NUP188: variants seen among roughly 807,000 people sequenced by gnomAD.
NUP188 encodes the protein nucleoporin 188.
Under a neutral mutation model 223.0 loss-of-function variants are expected in NUP188, and 97 were observed. That is an observed-to-expected ratio of 0.43 (90% confidence interval 0.37 to 0.51). The LOEUF is 0.51. Among genes scored for constraint, NUP188 ranks in the 20% least tolerant of loss-of-function variants. The pLI is 0.00. For missense variants in NUP188, 1,947 were observed against 2,175.6 expected, an observed-to-expected ratio of 0.89 and a Z score of 2.09; for synonymous variants, 869 against 828.0, an observed-to-expected ratio of 1.05 and a Z score of -0.85.
intron 36 of NUP188, 122 bp from the exon 37 acceptor site, chr9:129,002,694 TG>T: frequency 9.7e-7 from 1 of 1,030,848 alleles, no homozygotes; most frequent in Non-Finnish European, 1.4e-6. Flanking sequence ...GGCCAGACAG[TG>T]GCTGTGTCTA....
Position 128,999,747 on chromosome 9 carries a change from A to C in NUP188, c.3785A>C (p.Lys1262Thr), listed in dbSNP as rs762925015. Residue 1262 changes from lysine (K) to threonine (T), a missense_variant, in exon 34 of 44, where the codon AAG becomes ACG. Transcript: ENST00000372577. Reference protein sequence around the residue: ...SLALGSATEDKDSMETDDCSR... With the variant: ...SLALGSATEDTDSMETDDCSR... Reference sequence around the variant, plus strand: ...GCATTAGGCAGTGCCACAGAGGACAAGGACAGCATGGAGACTGACGACTGT... The same window carrying C: ...GCATTAGGCAGTGCCACAGAGGACACGGACAGCATGGAGACTGACGACTGT... 6.2e-7 allele frequency: 1 copy of C among 1,614,122 alleles called. No homozygotes were observed. The highest frequency in any genetic ancestry group is 8.5e-7 in the Non-Finnish European group (1 of 1,180,056).
chr9:128,993,681 G>T lies in NUP188; in HGVS notation c.3004G>T (p.Val1002Phe), dbSNP rs1842468933. ...GGATCGGAGGGACAGTGCCATGCTG[G>T]TCCTCCGAACCAAGTAAGTCTGCCT... ...WQDRRDSAML[V>F]LRTKPKFWEN... The change falls in exon 27 of 44, where the codon GTC becomes TTC. Residue 1002 changes from valine to phenylalanine, a missense_variant. Coordinates refer to ENST00000372577, the MANE Select transcript of NUP188 (RefSeq NM_015354.3). 2 of 1,613,990 alleles carry T rather than the reference G, an allele frequency of 1.2e-6. No individual in the cohort carries two copies. Among genetic ancestry groups the T allele is most frequent in the Admixed American group, 1.7e-5 (1 of 59,988 alleles).
chr9:129,003,425 C>T lies in NUP188; in HGVS notation c.4405C>T (p.His1469Tyr), dbSNP rs755839057. ...TAACTTCATGAAGGAGTGGCACTTC[C>T]ACCTGCCTCAGCTCATGCGTGATAT... ...LSNFMKEWHF[H>Y]LPQLMRDIQV... Residue 1469 changes from histidine to tyrosine, a missense_variant, in exon 38 of 44, where the codon CAC becomes TAC. Coordinates refer to ENST00000372577, the MANE Select transcript of NUP188 (RefSeq NM_015354.3). 91 of 1,612,292 alleles carry T rather than the reference C, an allele frequency of 5.6e-5. 2 individuals carry two copies. In the South Asian group the frequency reaches 9.8e-4, roughly 17 times the overall value.
At position 129,006,709 on chromosome 9, in the gene NUP188, C is replaced by T; in HGVS notation, c.*31C>T. The T allele has an allele frequency of 1.9e-6, 3 of 1,596,410 alleles. No homozygotes were observed. The South Asian group carries it at 3.4e-5, about 18-fold the overall frequency. On this transcript the variant is annotated 3_prime_UTR_variant, in exon 44 of 44. Coordinates refer to ENST00000372577, the MANE Select transcript of NUP188 (RefSeq NM_015354.3). ...TGCTGTTCTGCCCACCTACCCCTCT[C>T]CACCAGCCTACACTGCACCCTGGCT...
intron 38 of NUP188, 29 bp from the exon 39 acceptor site, chr9:129,005,118 T>C: frequency 6.3e-7 from 1 of 1,577,058 alleles, no homozygotes; most frequent in Non-Finnish European, 8.7e-7. Flanking sequence ...GACAAGAGAA[T>C]CCGCTCATCT....
At chr9:128,982,847 C>G (rs1842275396) in intron 16 of NUP188, 55 bp from the exon 17 acceptor site, 2 of 1,608,464 alleles carry the variant, frequency 1.2e-6, no homozygotes, top group Non-Finnish European at 8.5e-7. Flanking sequence ...AGAGACTGTT[C>G]AGTGATCTTA....
intron 19 of NUP188, among the ~76,000 whole-genome samples, chr9:128,984,615 G>A (rs889941801): frequency 5.3e-5 from 8 of 152,238 alleles, no homozygotes; most frequent in Admixed American, 5.2e-4. Flanking sequence ...CCAGTACACA[G>A]GCTCCATCTT....
chr9:128,972,929 G>T (rs1470633587), intron 11 of NUP188, among the ~76,000 whole-genome samples: 2 of 152,024 alleles, frequency 1.3e-5, no homozygotes, highest in Non-Finnish European at 2.9e-5. Context: ...GATGATTTTG[G>T]CAATAATTCC....
chr9:128,969,660 G>A, intron 10 of NUP188, 146 bp downstream of exon 10: 1 of 530,028 alleles, frequency 1.9e-6, no homozygotes. Context: ...GTTTTGTTTT[G>A]TTTTGGTTTT....
intron 12 of NUP188, among the ~76,000 whole-genome samples, chr9:128,974,389 G>GT (rs778841218): frequency 0.091 from 10,327 of 113,324 alleles, 1,055 homozygotes; most frequent in African/African-American, 0.23. Context: ...GCAGGTTGTT[G>GT]TTTTTTTTTT....
At position 129,006,500 on chromosome 9, in the gene NUP188, A is replaced by T; in HGVS notation, c.5074-2A>T. On this transcript the variant is annotated splice_acceptor_variant, in intron 43 of 43. Transcript: ENST00000372577. LOFTEE classifies it high-confidence loss of function. ...CTCACCAAGCCACTTTTTTTCTTGT[A>T]GAGCACGCTGCTGTCCAGCCTCTCG... 6.2e-7 allele frequency: 1 copy of T among 1,611,836 alleles called. No homozygotes were observed. Among genetic ancestry groups the T allele is most frequent in the Non-Finnish European group, 8.5e-7 (1 of 1,179,352 alleles).
At chr9:128,965,521 T>C (rs1172471260) in intron 8 of NUP188, among the ~76,000 whole-genome samples, 2 of 152,172 alleles carry the variant, frequency 1.3e-5, no homozygotes, top group African/African-American at 4.8e-5. Flanking sequence ...GGCGCATTCT[T>C]GGCTCACTGC....
intron 6 of NUP188, among the ~76,000 whole-genome samples, chr9:128,958,333 T>C (rs1384564394): frequency 6.6e-6 from 1 of 152,240 alleles, no homozygotes; most frequent in Non-Finnish European, 1.5e-5. Context: ...TGTATTTCTT[T>C]ATTTCTTTAT....
At chr9:128,990,359 G>T (rs1191411290) in intron 25 of NUP188, 133 bp downstream of exon 25, 1 of 737,724 alleles carries the variant, frequency 1.4e-6, no homozygotes, top group Non-Finnish European at 2.4e-6. Flanking sequence ...GGAGGCCAAG[G>T]TGGGAGGATC....
intron 3 of NUP188, among the ~76,000 whole-genome samples, chr9:128,953,793 G>T (rs1251640179): frequency 6.6e-6 from 1 of 151,948 alleles, no homozygotes; most frequent in Non-Finnish European, 1.5e-5. Context: ...CTAAGTGATA[G>T]AACCAGGATT....
At chr9:128,980,510 ATT>A in intron 13 of NUP188, 94 bp from the exon 14 acceptor site, 2 of 1,293,954 alleles carry the variant, frequency 1.5e-6, no homozygotes, top group Admixed American at 2.0e-5. Flanking sequence ...AAAAGGAAGG[ATT>A]AATTCTAAAT....
chr9:128,978,579 A>T (rs996152805), intron 12 of NUP188, among the ~76,000 whole-genome samples: 10 of 149,062 alleles, frequency 6.7e-5, no homozygotes, highest in Non-Finnish European at 1.2e-4. Context: ...AAAAAAAAAA[A>T]GGTAAAAAGG....
intron 12 of NUP188, among the ~76,000 whole-genome samples, chr9:128,975,897 C>T (rs765840115): frequency 1.3e-5 from 2 of 152,124 alleles, no homozygotes; most frequent in Non-Finnish European, 2.9e-5. Flanking sequence ...TTTCAGATCG[C>T]TGCAAACTCT....
intron 33 of NUP188, 141 bp from the exon 34 acceptor site, chr9:128,999,483 C>A: frequency 8.6e-7 from 1 of 1,159,196 alleles, no homozygotes; most frequent in Non-Finnish European, 1.2e-6. Flanking sequence ...TCATGTGTCT[C>A]TCCCTCCTCT....
Sources: allele counts gnomAD v4.1 joint callset (sites outside exome capture counted in the v4.1 genomes callset), GRCh38; gene constraint gnomAD v4.1.1; transcripts MANE v1.5; gene names NCBI Gene and HGNC (gene_info 2026-07-23, HGNC 2026-07-21).